The following UMAD1 variants were observed in gnomAD, a reference collection of about 807,000 sequenced individuals.
UMAD1 encodes UBAP1-MVB12-associated (UMA) domain containing 1, also known as UBAP1-MVB12-associated (UMA)-domain containing protein 1.
UMAD1 carries 8 observed loss-of-function variants against 6.1 expected under a neutral mutation model. That is an observed-to-expected ratio of 1.30 (90% CI 0.76 to 2.35). The LOEUF (loss-of-function observed/expected upper bound fraction) is 2.35, where lower values mean the gene tolerates loss of function less well. Ranked by LOEUF, UMAD1 falls within the 30% of genes most tolerant of loss-of-function variation. The pLI, the probability that UMAD1 is intolerant of heterozygous loss-of-function variation, is 0.00. For synonymous variants in UMAD1, 56 were observed against 31.4 expected (o/e 1.78, Z -2.61); for missense variants, 130 against 78.4 (o/e 1.66, Z -2.49).
At chr7:7,810,606 A>G (rs1178611352) in intron 3 of UMAD1, among the ~76,000 whole-genome samples, 2 of 152,210 alleles carry the variant, frequency 1.3e-5, no homozygotes, top group African/African-American at 4.8e-5. Flanking sequence ...AAAAACATTA[A>G]GAGTACTTGC....
At chr7:7,833,893 T>C in intron 3 of UMAD1, among the ~76,000 whole-genome samples, 1 of 152,166 alleles carries the variant, frequency 6.6e-6, no homozygotes, top group Non-Finnish European at 1.5e-5. Context: ...AAAAGTCTGC[T>C]TCCCATCTTA....
At position 7,688,143 on chromosome 7, in the gene UMAD1, G is replaced by T. The variant is rs375089588; in HGVS notation, c.82+14690G>T. On this transcript the variant is annotated intron_variant, in intron 2 of 3. Coordinates refer to ENST00000682710, the MANE Select transcript of UMAD1 (RefSeq NM_001302348.2). ...GTAAAATTTTAGGTTTGTATTTTTG[G>T]GGGGAGAACATTCCCTGCATTACAT... 1.6e-4 allele frequency among the ~76,000 whole-genome samples: 24 copies of T among 152,288 alleles called. No individual in the cohort carries two copies. In the South Asian group the frequency reaches 3.3e-3, roughly 21 times the overall value.
At chr7:7,870,459 T>G (rs986621592) in intron 3 of UMAD1, among the ~76,000 whole-genome samples, 7 of 152,236 alleles carry the variant, frequency 4.6e-5, no homozygotes, top group African/African-American at 1.7e-4. Flanking sequence ...TAATTGAGTC[T>G]TTTCTTCTTG....
At chr7:7,777,574 A>AATATATATAT (rs58039932) in intron 2 of UMAD1, among the ~76,000 whole-genome samples, 1,828 of 113,390 alleles carry the variant, frequency 0.016, 51 homozygotes, top group African/African-American at 0.039. Flanking sequence ...TACATGAGCA[A>AATATATATAT]ATATATATAT....
intron 3 of UMAD1, among the ~76,000 whole-genome samples, chr7:7,832,996 T>C (rs1422134833): frequency 6.6e-6 from 1 of 152,096 alleles, no homozygotes; most frequent in African/African-American, 2.4e-5. Flanking sequence ...TACTAGAACA[T>C]AGGTTCAGAA....
chr7:7,761,097 G>A (rs1283265506), intron 2 of UMAD1, among the ~76,000 whole-genome samples: 1 of 152,146 alleles, frequency 6.6e-6, no homozygotes, highest in Non-Finnish European at 1.5e-5. Flanking sequence ...GGGCACGGTG[G>A]CTGACGCCTG....
chr7:7,877,297 C>A lies in UMAD1; in HGVS notation c.173C>A (p.Ser58Ter). The A allele has an allele frequency of 1.4e-6, 1 of 714,276 alleles. No homozygotes were observed. Among genetic ancestry groups the A allele is most frequent in the Non-Finnish European group, 2.6e-6 (1 of 382,416 alleles). The allele number at this position is 714,276 out of a possible 1,614,324, so 44.2% of individuals were successfully genotyped here. A position where few individuals can be genotyped will look rare whatever the true frequency, so the allele number is the denominator to read the frequency against. ...NQPLETNKENSSSVTVSDPEM... is the reference protein window; with the variant it reads ...NQPLETNKEN ...TATTTTTAGACCAACAAAGAAAATT[C>A]ATCCAGTGTGACTGTATCAGACCCT... The change falls in exon 4 of 4, where the codon TCA (serine) becomes TAA (stop). Residue 58 changes from serine to a stop codon, truncating the protein, a stop_gained. Transcript: ENST00000682710. LOFTEE classifies it high-confidence loss of function.
At chr7:7,695,029 C>T (rs1290542628) in intron 2 of UMAD1, among the ~76,000 whole-genome samples, 1 of 152,140 alleles carries the variant, frequency 6.6e-6, no homozygotes, top group Non-Finnish European at 1.5e-5. Flanking sequence ...TCCCCTTTTG[C>T]CATATCCTTG....
At chr7:7,817,779 G>A (rs1180153154) in intron 3 of UMAD1, among the ~76,000 whole-genome samples, 1 of 151,990 alleles carries the variant, frequency 6.6e-6, no homozygotes, top group Non-Finnish European at 1.5e-5. Context: ...ATTTTCAATG[G>A]TACTTTTTAC....
At chr7:7,724,768 ATGCAG>A (rs1255940052) in intron 2 of UMAD1, among the ~76,000 whole-genome samples, 4 of 152,232 alleles carry the variant, frequency 2.6e-5, no homozygotes, top group Non-Finnish European at 4.4e-5. Context: ...GATACCTGGT[ATGCAG>A]CCATTGACTT....
intron 2 of UMAD1, among the ~76,000 whole-genome samples, chr7:7,692,872 G>C (rs28912717): frequency 6.6e-6 from 1 of 152,324 alleles, no homozygotes; most frequent in East Asian, 1.9e-4. Flanking sequence ...TTCCCACAGG[G>C]CTGGGATTAC....
At chr7:7,828,374 T>C (rs1200192489) in intron 3 of UMAD1, among the ~76,000 whole-genome samples, 3 of 152,180 alleles carry the variant, frequency 2.0e-5, no homozygotes, top group South Asian at 2.1e-4. Flanking sequence ...AAGGTGAAAG[T>C]TTGACATACT....
chr7:7,767,156 A>C (rs553184305), intron 2 of UMAD1, among the ~76,000 whole-genome samples: 3 of 104,296 alleles, frequency 2.9e-5, no homozygotes, highest in Non-Finnish European at 4.4e-5. Context: ...ACGGACTCTC[A>C]CTCTGTCACC....
intron 2 of UMAD1, among the ~76,000 whole-genome samples, chr7:7,773,084 C>A (rs1782133899): frequency 6.6e-6 from 1 of 152,084 alleles, no homozygotes; most frequent in East Asian, 1.9e-4. Flanking sequence ...CAAGTGCAAA[C>A]TAAAAACTAC....
At chr7:7,669,926 C>A (rs1274058972) in intron 1 of UMAD1, among the ~76,000 whole-genome samples, 2 of 152,040 alleles carry the variant, frequency 1.3e-5, no homozygotes, top group African/African-American at 4.8e-5. Flanking sequence ...ATTATCCCTC[C>A]TTCTATAATA....
At chr7:7,678,216 G>A (rs1779796683) in intron 2 of UMAD1, among the ~76,000 whole-genome samples, 1 of 151,134 alleles carries the variant, frequency 6.6e-6, no homozygotes, top group South Asian at 2.1e-4. Context: ...CAGGGTATGA[G>A]GTCCCTTTTC....
At chr7:7,831,810 GTAT>G (rs558366862) in intron 3 of UMAD1, among the ~76,000 whole-genome samples, 157 of 152,236 alleles carry the variant, frequency 1.0e-3, no homozygotes, top group African/African-American at 3.2e-3. Flanking sequence ...TAAGCATGTG[GTAT>G]TATTATAATT....
chr7:7,828,314 A>T (rs188634183), intron 3 of UMAD1, among the ~76,000 whole-genome samples: 35 of 152,308 alleles, frequency 2.3e-4, no homozygotes, highest in African/African-American at 7.7e-4. Flanking sequence ...GCATGCACAT[A>T]TATCATATAG....
chr7:7,739,876 G>C (rs138445291), intron 2 of UMAD1, among the ~76,000 whole-genome samples: 160 of 152,334 alleles, frequency 1.1e-3, no homozygotes, highest in African/African-American at 3.6e-3. Flanking sequence ...CTGCTTATTT[G>C]TCTATACAAA....
Sources: gnomAD v4.1 joint callset for allele counts (sites outside exome capture counted in the v4.1 genomes callset) on GRCh38, gnomAD v4.1.1 for gene constraint, MANE v1.5 for transcripts, NCBI Gene and HGNC (gene_info 2026-07-23, HGNC 2026-07-21) for gene names.